The following LRRC59 variants were observed in gnomAD, a reference collection of about 807,000 sequenced individuals.
LRRC59 encodes leucine rich repeat containing 59, also known as leucine-rich repeat-containing protein 59.
In LRRC59, 18 loss-of-function variants were observed where a neutral mutation model predicts 33.5. The observed-to-expected ratio is 0.54, with a 90% CI of 0.37 to 0.80. LRRC59 has a LOEUF of 0.80. Ranked by LOEUF, LRRC59 falls within the 30% of genes least tolerant of loss-of-function variation. The probability of loss-of-function intolerance (pLI) is 0.00; values close to 1 mark genes in which losing one functional copy is unlikely to be tolerated. For synonymous variants in LRRC59, 138 were observed against 160.0 expected (o/e 0.86, Z 1.04); for missense variants, 330 against 391.9 (o/e 0.84, Z 1.33).
At chr17:50,396,193 G>GA (rs1289937888) in intron 1 of LRRC59, 1 of 152,206 alleles carries the variant, frequency 6.6e-6, no homozygotes, top group African/African-American at 2.4e-5. Context: ...ACTACAGCGG[G>GA]AAAAACACAA....
At chr17:50,386,804 G>C (rs1181567526) in intron 5 of LRRC59, among the ~76,000 whole-genome samples, 1 of 152,248 alleles carries the variant, frequency 6.6e-6, no homozygotes, top group African/African-American at 2.4e-5. Context: ...GAGGGGCTCA[G>C]AAATCAGCCA....
At chr17:50,392,275 T>C (rs1914163779) in intron 4 of LRRC59, 123 bp downstream of exon 4, 6 of 699,722 alleles carry the variant, frequency 8.6e-6, no homozygotes, top group Non-Finnish European at 1.3e-5. Flanking sequence ...AGTGGACATA[T>C]TTCACTCGGA....
Position 50,392,459 on chromosome 17 carries a change from A to G in LRRC59, c.368T>C (p.Val123Ala), listed in dbSNP as rs1207807279. 6.2e-7 allele frequency: 1 copy of G among 1,614,222 alleles called. No individual in the cohort carries two copies. Among genetic ancestry groups the G allele is most frequent in the South Asian group, 1.1e-5 (1 of 91,086 alleles). ...GCAGTCACCTGCCACCTTGGCCAGG[A>G]CAGGATCCAGGGGGTTATCCTTCAG... The part of the protein sequence containing the change: ...LDLKDNPLDP[V>A]LAKVAGDCLD... Residue 123 changes from valine to alanine, a missense_variant, in exon 4 of 7, where the codon GTC (valine) becomes GCC (alanine). By Grantham distance (64) the Val-to-Ala change is moderately conservative (BLOSUM62 0). Coordinates refer to ENST00000225972, the MANE Select transcript of LRRC59 (RefSeq NM_018509.4).
Position 50,397,318 on chromosome 17 carries a change from G to C in LRRC59, c.-1C>G, listed in dbSNP as rs771382603. 1 of 1,604,206 alleles carries C rather than the reference G, an allele frequency of 6.2e-7. No individual in the cohort carries two copies. The highest frequency in any genetic ancestry group is 8.5e-7 in the Non-Finnish European group (1 of 1,175,908). On this transcript the variant is annotated 5_prime_UTR_variant, in exon 1 of 7. Transcript: ENST00000225972. The stretch of plus-strand genomic sequence containing the variant: ...CGCCCTTGCTACCGGCCTTGGTCAT[G>C]GTAACGCCGGCTGAGCGGGCCCCGG...
At chr17:50,385,438 T>C in intron 5 of LRRC59, 147 bp from the exon 6 acceptor site, 1 of 907,324 alleles carries the variant, frequency 1.1e-6, no homozygotes, top group Non-Finnish European at 1.6e-6. Flanking sequence ...CAGCCATCCT[T>C]CTGCTCCTGG....
At chr17:50,383,818 A>AT (rs956984299) in intron 6 of LRRC59, among the ~76,000 whole-genome samples, 7 of 151,924 alleles carry the variant, frequency 4.6e-5, no homozygotes, top group African/African-American at 7.2e-5. Flanking sequence ...TGGTTTTGAG[A>AT]TTTTTAGACA....
chr17:50,392,471 G>A lies in LRRC59; in HGVS notation c.356C>T (p.Pro119Leu). 1.2e-6 allele frequency: 2 copies of A among 1,614,090 alleles called. No individual in the cohort carries two copies. Among genetic ancestry groups the A allele is most frequent in the Non-Finnish European group, 1.7e-6 (2 of 1,180,016 alleles). The change falls in exon 4 of 7, where the codon CCC (proline) becomes CTC (leucine). Residue 119 changes from proline to leucine, a missense_variant. Transcript: ENST00000225972. ...CACCTTGGCCAGGACAGGATCCAGG[G>A]GGTTATCCTTCAGGTCCAACCACTT... ...NLKWLDLKDN[P>L]LDPVLAKVAG...
intron 1 of LRRC59, chr17:50,396,317 G>A (rs763953493): frequency 1.3e-5 from 2 of 152,336 alleles, no homozygotes; most frequent in South Asian, 4.1e-4. Flanking sequence ...TATAGATGAG[G>A]AGATCTAGGC....
intron 4 of LRRC59, among the ~76,000 whole-genome samples, chr17:50,390,027 G>A (rs553892413): frequency 4.0e-5 from 6 of 151,562 alleles, no homozygotes; most frequent in Non-Finnish European, 5.9e-5. Context: ...GAACCCGGGA[G>A]GTGGAGGTTG....
At position 50,385,120 on chromosome 17, in the gene LRRC59, G is replaced by A. The variant is rs755078425; in HGVS notation, c.674C>T (p.Pro225Leu). ...KKPKKEANQA[P>L]KSKSGSRPRK... Reference sequence around the variant, plus strand: ...CTTACAACAGGCAGAAAACTTACTCGGGGCCTGATTTGCTTCCTTCTTAGG... The same window carrying A: ...CTTACAACAGGCAGAAAACTTACTCAGGGCCTGATTTGCTTCCTTCTTAGG... The change falls in exon 6 of 7, where the codon CCG becomes CTG. Residue 225 changes from proline (P) to leucine (L), a missense_variant and splice_region_variant. Coordinates refer to ENST00000225972, the MANE Select transcript of LRRC59 (RefSeq NM_018509.4). The A allele has an allele frequency of 2.1e-5, 34 of 1,612,960 alleles. No homozygotes were observed. The highest frequency in any genetic ancestry group is 2.8e-5 in the Non-Finnish European group (33 of 1,179,666).
In LRRC59 at chr17:50,397,451, G is replaced by A. The variant is rs759741043; in HGVS notation, c.-134C>T. 8.9e-6 allele frequency: 5 copies of A among 559,058 alleles called. No homozygotes were observed. Among genetic ancestry groups the A allele is most frequent in the South Asian group, 2.5e-5 (1 of 40,338 alleles). The allele number at this position is 559,058 out of a possible 1,614,324, so 34.6% of individuals were successfully genotyped here. A position where few individuals can be genotyped will look rare whatever the true frequency, so the allele number is the denominator to read the frequency against. ...CCTCCGTCGCCGCCGATGCGAGACCGCCTCCGCCCGCTGGCCGCACTCCGA... is the reference window on the plus strand; with the variant it reads ...CCTCCGTCGCCGCCGATGCGAGACCACCTCCGCCCGCTGGCCGCACTCCGA... On this transcript the variant is annotated 5_prime_UTR_variant, in exon 1 of 7. Coordinates refer to ENST00000225972, the MANE Select transcript of LRRC59 (RefSeq NM_018509.4).
chr17:50,384,357 T>C (rs1392861936), intron 6 of LRRC59, among the ~76,000 whole-genome samples: 2 of 152,120 alleles, frequency 1.3e-5, no homozygotes, highest in East Asian at 3.9e-4. Flanking sequence ...ACAGAGTCTC[T>C]ATGTTGCTCA....
At chr17:50,390,203 T>G (rs1914111490) in intron 4 of LRRC59, among the ~76,000 whole-genome samples, 1 of 151,810 alleles carries the variant, frequency 6.6e-6, no homozygotes, top group Non-Finnish European at 1.5e-5. Context: ...GTTGCCATGA[T>G]TGCAGGGAGA....
chr17:50,388,199 CA>C, intron 4 of LRRC59, 67 bp from the exon 5 acceptor site: 1 of 1,441,490 alleles, frequency 6.9e-7, no homozygotes, highest in East Asian at 2.3e-5. Flanking sequence ...TCTCAAAAAA[CA>C]GACTATTTTC....
At position 50,383,083 on chromosome 17, in the gene LRRC59, A is replaced by G. The variant is rs199717142; in HGVS notation, c.829T>C (p.Cys277Arg). The G allele has an allele frequency of 6.2e-7, 1 of 1,610,016 alleles. No homozygotes were observed. The highest frequency in any genetic ancestry group is 1.3e-5 in the African/African-American group (1 of 75,012). Residue 277 changes from cysteine (C) to arginine (R), a missense_variant, in exon 7 of 7, where the codon TGC becomes CGC. Physicochemically the swap from Cys to Arg is radical, Grantham distance 180. Transcript: ENST00000225972. The part of the protein sequence containing the change: ...RVTELQQQPL[C>R]TSVNTIYDNA... ...TCATAGATGGTGTTCACGCTGGTGC[A>G]GAGGGGCTGCTGCTGCAGCTCTGTC...
intron 4 of LRRC59, among the ~76,000 whole-genome samples, 182 bp from the exon 5 acceptor site, chr17:50,388,314 G>T (rs1598368979): frequency 6.6e-6 from 1 of 152,300 alleles, no homozygotes; most frequent in East Asian, 1.9e-4. Context: ...CGAGATAGAA[G>T]GACTGCTTGA....
intron 6 of LRRC59, 38 bp from the exon 7 acceptor site, chr17:50,383,273 C>A: frequency 6.5e-7 from 1 of 1,541,444 alleles, no homozygotes; most frequent in South Asian, 1.2e-5. Context: ...CAAGTTCAGT[C>A]AGAGGAGACC....
chr17:50,390,097 CAAAAAAAA>C (rs57027679), intron 4 of LRRC59, among the ~76,000 whole-genome samples: 11 of 85,294 alleles, frequency 1.3e-4, no homozygotes, highest in Non-Finnish European at 2.3e-4. Flanking sequence ...GACTCTGTCT[CAAAAAAAA>C]AAAAAAAAAA....
rs573440313 is a variant in LRRC59, at chr17:50,381,799, A to G, written c.*1189T>C. On this transcript the variant is annotated 3_prime_UTR_variant, in exon 7 of 7. Coordinates refer to ENST00000225972, the MANE Select transcript of LRRC59 (RefSeq NM_018509.4). ...AAATGCTTAATTTAGCAGACAAGAG[A>G]ATGGACAGTGTGATCCTTGTTTGTG... The G allele has an allele frequency of 6.6e-6, 1 of 152,656 alleles. No homozygotes were observed. The highest frequency in any genetic ancestry group is 1.5e-5 in the Non-Finnish European group (1 of 68,052). The allele number at this position is 152,656 out of a possible 1,614,324, so 9.5% of individuals were successfully genotyped here.
Sources: gnomAD v4.1 joint callset for allele counts (sites outside exome capture counted in the v4.1 genomes callset) on GRCh38, gnomAD v4.1.1 for gene constraint, MANE v1.5 for transcripts, NCBI Gene and HGNC (gene_info 2026-07-23, HGNC 2026-07-21) for gene names.